The following GNB4 variants were observed in gnomAD, a reference collection of about 807,000 sequenced individuals.
The protein encoded by GNB4 is guanine nucleotide-binding protein subunit beta-4.
GNB4 carries 28 observed loss-of-function variants against 45.2 expected under a neutral mutation model. The observed-to-expected ratio is 0.62, with a 90% CI of 0.46 to 0.85. The LOEUF is 0.85. Among genes scored for constraint, GNB4 ranks in the 40% least tolerant of loss-of-function variants. The pLI, the probability that GNB4 is intolerant of heterozygous loss-of-function variation, is 0.00. For synonymous variants in GNB4, 132 were observed against 143.7 expected (o/e 0.92, Z 0.58); for missense variants, 321 against 425.4 (o/e 0.75, Z 2.16).
chr3:179,485,211 A>C, the GNB4 span, among the ~76,000 whole-genome samples: 1 of 151,668 alleles, frequency 6.6e-6, no homozygotes, highest in Non-Finnish European at 1.5e-5. Context: ...ACGGGGTTTC[A>C]CCGTGTTAGC....
chr3:179,447,675 T>A (rs1715770598), intron 1 of GNB4, among the ~76,000 whole-genome samples: 1 of 152,112 alleles, frequency 6.6e-6, no homozygotes, highest in Admixed American at 6.5e-5. Context: ...CAGGGAAGAA[T>A]ACAGTTTGAC....
the GNB4 span, among the ~76,000 whole-genome samples, chr3:179,474,052 C>T: frequency 6.6e-6 from 1 of 152,256 alleles, no homozygotes; most frequent in East Asian, 1.9e-4. Context: ...GGCCAGTCTG[C>T]ATTGGCTCAT....
At position 179,405,258 on chromosome 3, in the gene GNB4, C is replaced by T. The variant is rs186593898; in HGVS notation, c.848G>A (p.Arg283His). 8 of 1,614,144 alleles carry T rather than the reference C, an allele frequency of 5.0e-6. No homozygotes were observed. Among genetic ancestry groups the T allele is most frequent in the Admixed American group, 1.7e-5 (1 of 60,030 alleles). Residue 283 changes from arginine (R) to histidine (H), a missense_variant, in exon 9 of 10, where the codon CGT (arginine) becomes CAT (histidine). Physicochemically the swap from Arg to His is conservative, Grantham distance 29 (BLOSUM62 0). Transcript: ENST00000232564. ...GTCATCGTAACCAGCCAACAAGAGA[C>T]GCCCACTTTTTGAGAAGGCTACAGA... ...ITSVAFSKSGRLLLAGYDDFN... is the reference protein window; with the variant it reads ...ITSVAFSKSGHLLLAGYDDFN...
chr3:179,429,987 C>T (rs1474877080), intron 1 of GNB4, among the ~76,000 whole-genome samples: 1 of 152,118 alleles, frequency 6.6e-6, no homozygotes, highest in Non-Finnish European at 1.5e-5. Context: ...CTTTTTCAAT[C>T]TTCCACTACT....
the GNB4 span, among the ~76,000 whole-genome samples, chr3:179,465,546 C>G: frequency 1.3e-5 from 2 of 151,924 alleles, no homozygotes; most frequent in Non-Finnish European, 1.5e-5. Flanking sequence ...GAGGCAGAGC[C>G]AAGGGCTCTG....
Position 179,401,300 on chromosome 3 carries a change from G to C in GNB4, c.936C>G (p.Asp312Glu). 2 of 1,611,490 alleles carry C rather than the reference G, an allele frequency of 1.2e-6. No individual in the cohort carries two copies. The highest frequency in any genetic ancestry group is 8.5e-7 in the Non-Finnish European group (1 of 1,178,770). ...GDRAGVLAGHDNRVSCLGVTD... is the reference protein window; with the variant it reads ...GDRAGVLAGHENRVSCLGVTD... ...TTACACCTAAGCAGCTCACACGGTT[G>C]TCATGACCAGCAAGGACACCTGAAA... Residue 312 changes from aspartate to glutamate, a missense_variant, in exon 10 of 10, where the codon GAC (aspartate) becomes GAG (glutamate). Transcript: ENST00000232564.
chr3:179,447,461 G>A (rs139189413), intron 1 of GNB4, among the ~76,000 whole-genome samples: 4 of 151,040 alleles, frequency 2.6e-5, no homozygotes, highest in Admixed American at 1.3e-4. Flanking sequence ...CAATCCTCCC[G>A]CCTCAGACTC....
chr3:179,525,015 G>A, the GNB4 span, among the ~76,000 whole-genome samples: 3 of 152,032 alleles, frequency 2.0e-5, no homozygotes, highest in African/African-American at 7.2e-5. Context: ...GGAGGGGAGA[G>A]GTCAGATGGG....
chr3:179,526,547 C>G, the GNB4 span, among the ~76,000 whole-genome samples: 1 of 152,140 alleles, frequency 6.6e-6, no homozygotes, highest in Non-Finnish European at 1.5e-5. Flanking sequence ...GCCAATAAAG[C>G]TGAGGGCCAC....
rs773885643 is a variant in GNB4, at chr3:179,428,418, C to T, written c.-42-2176G>A. Among the ~76,000 whole-genome samples the T allele has an allele frequency of 8.5e-5, 13 of 152,272 alleles. 1 individual carries two copies. The Middle Eastern group carries it at 0.01, about 120-fold the overall frequency. On this transcript the variant is annotated intron_variant, in intron 1 of 9. Coordinates refer to ENST00000232564, the MANE Select transcript of GNB4 (RefSeq NM_021629.4). ...TTACAGCCGGTCTGGAATCCCATTC[C>T]GCTGAAGTGAAGACAAGCAGCATGC...
At chr3:179,432,397 C>G (rs1715333027) in intron 1 of GNB4, among the ~76,000 whole-genome samples, 1 of 152,054 alleles carries the variant, frequency 6.6e-6, no homozygotes, top group South Asian at 2.1e-4. Context: ...TCTGATTACA[C>G]AGATTTTTGG....
At chr3:179,523,258 T>C in the GNB4 span, among the ~76,000 whole-genome samples, 3 of 151,728 alleles carry the variant, frequency 2.0e-5, no homozygotes, top group East Asian at 1.9e-4. Flanking sequence ...TTGGGCTTGA[T>C]TGAAGTAATG....
chr3:179,474,753 T>TTTTTTTTTG, the GNB4 span, among the ~76,000 whole-genome samples: 1 of 141,232 alleles, frequency 7.1e-6, no homozygotes. Context: ...TTTTTTTTTT[T>TTTTTTTTTG]TTTTTTTTGC....
At chr3:179,465,047 A>C in the GNB4 span, 5 of 1,499,218 alleles carry the variant, frequency 3.3e-6, no homozygotes, top group South Asian at 3.4e-5. Flanking sequence ...TTATCGATAT[A>C]CTTCCAAAGA....
the GNB4 span, among the ~76,000 whole-genome samples, chr3:179,504,843 G>T: frequency 2.1e-4 from 32 of 152,282 alleles, no homozygotes; most frequent in African/African-American, 7.5e-4. Context: ...CTGACAAGAT[G>T]ACCCTAAGAG....
upstream of GNB4, among the ~76,000 whole-genome samples, chr3:179,456,352 C>A (rs1715978315): frequency 6.6e-6 from 1 of 152,078 alleles, no homozygotes. Context: ...CATATCATTG[C>A]AGCTAACTTC....
chr3:179,423,928 G>A (rs181188061), intron 2 of GNB4, among the ~76,000 whole-genome samples: 1 of 152,262 alleles, frequency 6.6e-6, no homozygotes, highest in East Asian at 1.9e-4. Context: ...TAACAGATGA[G>A]AAAGAGTAAT....
At chr3:179,484,848 G>GTGTC in the GNB4 span, among the ~76,000 whole-genome samples, 1 of 151,594 alleles carries the variant, frequency 6.6e-6, no homozygotes, top group Non-Finnish European at 1.5e-5. Flanking sequence ...GTGTGTGTGT[G>GTGTC]TGTGTGTGTG....
chr3:179,471,125 G>C, the GNB4 span, among the ~76,000 whole-genome samples: 1 of 150,700 alleles, frequency 6.6e-6, no homozygotes, highest in African/African-American at 2.4e-5. Context: ...CTTGCAGTGA[G>C]TTGAGATCGC....
Sources: gnomAD v4.1 joint callset for allele counts (sites outside exome capture counted in the v4.1 genomes callset) on GRCh38, gnomAD v4.1.1 for gene constraint, MANE v1.5 for transcripts, NCBI Gene and HGNC (gene_info 2026-07-23, HGNC 2026-07-21) for gene names.